Variants in PALM2AKAP2 observed in about 807,000 individuals in gnomAD.
The protein encoded by PALM2AKAP2 is PALM2-AKAP2 fusion protein.
In PALM2AKAP2, 37 loss-of-function variants were observed where a neutral mutation model predicts 71.5. The ratio of observed to expected loss-of-function variants is 0.52; its 90% CI spans 0.40 to 0.68. The LOEUF (loss-of-function observed/expected upper bound fraction) is 0.68. Ranked by LOEUF, PALM2AKAP2 falls within the 30% of genes least tolerant of loss-of-function variation. PALM2AKAP2 has a pLI of 0.00. For missense variants in PALM2AKAP2, 1,224 were observed against 1,191.8 expected (o/e 1.03, Z -0.40); for synonymous variants, 468 against 478.8 (o/e 0.98, Z 0.29).
chr9:109,762,304 T>C (rs886215414), intron 1 of PALM2AKAP2, among the ~76,000 whole-genome samples: 2 of 151,958 alleles, frequency 1.3e-5, no homozygotes, highest in East Asian at 2.0e-4. Flanking sequence ...ATGGCTCCTC[T>C]TTTGGCAATA....
At chr9:109,983,839 TG>T (rs1832322837) in intron 6 of PALM2AKAP2, among the ~76,000 whole-genome samples, 1 of 150,702 alleles carries the variant, frequency 6.6e-6, no homozygotes, top group Non-Finnish European at 1.5e-5. Context: ...CACTGCAGCC[TG>T]GGCAATAGAG....
chr9:109,991,837 G>A (rs920888436), intron 6 of PALM2AKAP2, among the ~76,000 whole-genome samples: 1 of 152,154 alleles, frequency 6.6e-6, no homozygotes, highest in Non-Finnish European at 1.5e-5. Context: ...ATCGCATCCT[G>A]GAAGCTTGAA....
At chr9:110,049,872 GCCGAGCTCTC>G (rs1275803601) in intron 1 of PALM2AKAP2, among the ~76,000 whole-genome samples, 2 of 152,242 alleles carry the variant, frequency 1.3e-5, no homozygotes, top group African/African-American at 4.8e-5. Context: ...CAGCCGGGCT[GCCGAGCTCTC>G]CAACGCGGAT....
At chr9:109,782,206 GA>G (rs1430710375) in intron 1 of PALM2AKAP2, among the ~76,000 whole-genome samples, 10 of 152,172 alleles carry the variant, frequency 6.6e-5, no homozygotes, top group Non-Finnish European at 2.9e-5. Context: ...AGGCCAAGTC[GA>G]TTTTCCAAGA....
chr9:109,957,626 A>AG (rs1224845512), intron 6 of PALM2AKAP2, among the ~76,000 whole-genome samples: 2 of 152,238 alleles, frequency 1.3e-5, no homozygotes, highest in Non-Finnish European at 2.9e-5. Flanking sequence ...TCCCACCTGC[A>AG]GGGTGAACTG....
chr9:109,836,126 C>T (rs532962626), intron 1 of PALM2AKAP2, among the ~76,000 whole-genome samples: 1 of 152,292 alleles, frequency 6.6e-6, no homozygotes, highest in East Asian at 1.9e-4. Flanking sequence ...GGGAGGCATC[C>T]CCCAGTAGGG....
At position 110,142,125 on chromosome 9, in the gene PALM2AKAP2, G is replaced by T. The variant is rs972035553; in HGVS notation, c.2569+3586G>T. Among the ~76,000 whole-genome samples, 16 of 145,148 alleles carry T rather than the reference G, an allele frequency of 1.1e-4. No homozygotes were observed. The East Asian group carries it at 3.2e-3, about 29-fold the overall frequency. ...CTTGCTCTGTCTCCCAGGCTGGAGT[G>T]CAATGGGGCAAACTCGGCTCACTGC... On this transcript the variant is annotated intron_variant, in intron 2 of 3. Coordinates refer to ENST00000374525, the Ensembl canonical transcript of PALM2AKAP2.
intron 1 of PALM2AKAP2, among the ~76,000 whole-genome samples, chr9:109,759,952 A>G (rs1052240931): frequency 2.6e-5 from 4 of 152,160 alleles, no homozygotes; most frequent in Admixed American, 2.6e-4. Context: ...GTACAGTTCA[A>G]CGTGTTTTGA....
exon 2 of PALM2AKAP2, chr9:110,136,192 C>A (rs1835860680): frequency 6.2e-7 from 1 of 1,612,988 alleles, no homozygotes; most frequent in Non-Finnish European, 8.5e-7. Context: ...ATAGTGCCAC[C>A]CTCCTGGAGC....
At chr9:109,883,406 G>A (rs1327757330) in intron 3 of PALM2AKAP2, among the ~76,000 whole-genome samples, 2 of 152,206 alleles carry the variant, frequency 1.3e-5, no homozygotes, top group African/African-American at 4.8e-5. Flanking sequence ...TGGGCCAAAT[G>A]GGCACTGGAT....
intron 1 of PALM2AKAP2, among the ~76,000 whole-genome samples, chr9:109,729,862 G>T (rs1828528912): frequency 6.6e-6 from 1 of 152,200 alleles, no homozygotes; most frequent in African/African-American, 2.4e-5. Flanking sequence ...ATTTGTGGGT[G>T]AGAATGCAAT....
At chr9:110,011,014 A>AAAAAAATAT (rs35212981) in intron 6 of PALM2AKAP2, among the ~76,000 whole-genome samples, 42 of 69,574 alleles carry the variant, frequency 6.0e-4, no homozygotes, top group African/African-American at 2.8e-3. Context: ...AAAAAAAAAA[A>AAAAAAATAT]ATATATATAT....
chr9:110,002,529 G>T (rs2132282659), intron 6 of PALM2AKAP2, among the ~76,000 whole-genome samples: 1 of 152,222 alleles, frequency 6.6e-6, no homozygotes, highest in Non-Finnish European at 1.5e-5. Context: ...TTGGTATCAG[G>T]ATGATGCTGG....
intron 7 of PALM2AKAP2, among the ~76,000 whole-genome samples, chr9:110,033,878 GT>G (rs1312703221): frequency 6.6e-6 from 1 of 152,112 alleles, no homozygotes; most frequent in African/African-American, 2.4e-5. Context: ...TCTAAAAGGT[GT>G]ATTCTGTGGC....
chr9:109,760,159 T>C (rs985522110), intron 1 of PALM2AKAP2, among the ~76,000 whole-genome samples: 9 of 152,168 alleles, frequency 5.9e-5, no homozygotes, highest in Non-Finnish European at 1.3e-4. Flanking sequence ...TCCTGTAGCA[T>C]TTTGTGTCTA....
intron 1 of PALM2AKAP2, among the ~76,000 whole-genome samples, chr9:109,807,140 GTGA>G (rs773354838): frequency 4.1e-5 from 6 of 147,302 alleles, no homozygotes; most frequent in Admixed American, 4.0e-4. Flanking sequence ...TAAGTGGAAT[GTGA>G]GAGAGAGAAA....
At chr9:109,893,324 A>C (rs1830127923) in intron 3 of PALM2AKAP2, among the ~76,000 whole-genome samples, 1 of 152,252 alleles carries the variant, frequency 6.6e-6, no homozygotes, top group African/African-American at 2.4e-5. Context: ...AAAAAGAACA[A>C]ATCCAAAGGC....
At chr9:110,033,438 A>G (rs1337548245) in intron 7 of PALM2AKAP2, among the ~76,000 whole-genome samples, 2 of 151,486 alleles carry the variant, frequency 1.3e-5, no homozygotes, top group Admixed American at 6.6e-5. Context: ...TCTTTTTCCC[A>G]GTGTTTACTG....
Position 110,137,063 on chromosome 9 carries a change from G to T in PALM2AKAP2, c.1093G>T (p.Glu365Ter), listed in dbSNP as rs778909217. 6.2e-7 allele frequency: 1 copy of T among 1,613,920 alleles called. No homozygotes were observed. Among genetic ancestry groups the T allele is most frequent in the African/African-American group, 1.3e-5 (1 of 75,026 alleles). ...GCGCAAAGAGAGAAGGGCACAGCAG[G>T]AACAGTTGCTGCTGCAGAAGCAGTT... Residue 365 changes from glutamate to a stop codon, truncating the protein, a stop_gained, in exon 2 of 4, where the codon GAA (glutamate) becomes TAA (stop). Coordinates refer to ENST00000374525, the Ensembl canonical transcript of PALM2AKAP2. LOFTEE classifies it high-confidence loss of function.
Sources: gnomAD v4.1 joint callset for allele counts (sites outside exome capture counted in the v4.1 genomes callset) on GRCh38, gnomAD v4.1.1 for gene constraint, MANE v1.5 for transcripts, NCBI Gene and HGNC (gene_info 2026-07-23, HGNC 2026-07-21) for gene names.